Variants in NAP1L4 observed in about 807,000 individuals in gnomAD.
NAP1L4 encodes the protein nucleosome assembly protein 1 like 4.
A neutral mutation model predicts 58.2 loss-of-function variants in NAP1L4; 15 were observed. The ratio of observed to expected loss-of-function variants is 0.26; its 90% confidence interval spans 0.17 to 0.40. The LOEUF is 0.40. Among genes scored for constraint, NAP1L4 ranks in the 10% least tolerant of loss-of-function variants. The pLI is 1.00. For missense variants in NAP1L4, 384 were observed against 451.1 expected (o/e 0.85, Z 1.35); for synonymous variants, 171 against 155.6 (o/e 1.10, Z -0.74).
rs371308395 is a variant in NAP1L4 at position 2,951,347 on chromosome 11, G to A, written c.1066-32C>T. On this transcript the variant is annotated intron_variant, in intron 13 of 15. Transcript: ENST00000380542. The surrounding 1 kb of genome is among the most constrained non-coding windows in gnomAD (Gnocchi z 4.0). ...TTAAAAAGTGAGAATTAGCTGGAAT[G>A]ACAAGATTTAAACTCTTGTGGCATT... The A allele has an allele frequency of 5.0e-6, 8 of 1,592,914 alleles. No homozygotes were observed. The African/African-American group carries it at 1.1e-4, about 21-fold the overall frequency.
chr11:2,969,892 C>A lies in NAP1L4; in HGVS notation c.445G>T (p.Ala149Ser), dbSNP rs1847534068. The A allele has an allele frequency of 6.2e-7, 1 of 1,613,742 alleles. No homozygotes were observed. Among genetic ancestry groups the A allele is most frequent in the South Asian group, 1.1e-5 (1 of 90,986 alleles). The change falls in exon 7 of 16, where the codon GCA becomes TCA. Residue 149 changes from alanine (A) to serine (S), a missense_variant. Physicochemically the swap from Ala to Ser is moderately conservative, Grantham distance 99. Coordinates refer to ENST00000380542, the MANE Select transcript of NAP1L4 (RefSeq NM_005969.4). ...SKVVVTEKAA[A>S]TAEEPDPKGI... Reference sequence around the variant, plus strand: ...TTGGGATCTGGCTCTTCAGCCGTTGCCGCTGCTTTTTCTGTGACGACTACT... The same window carrying A: ...TTGGGATCTGGCTCTTCAGCCGTTGACGCTGCTTTTTCTGTGACGACTACT...
chr11:2,949,293 T>G lies in NAP1L4; in HGVS notation c.1123-29A>C. The G allele has an allele frequency of 6.4e-7, 1 of 1,562,496 alleles. No homozygotes were observed. Among genetic ancestry groups the G allele is most frequent in the Admixed American group, 1.7e-5 (1 of 59,868 alleles). ...AATGGGGAAAAAAATTGAAAGGAAC[T>G]GTCAGCATGAAAGAAAATGAAATGC... On this transcript the variant is annotated intron_variant, in intron 14 of 15. Coordinates refer to ENST00000380542, the MANE Select transcript of NAP1L4 (RefSeq NM_005969.4). The surrounding 1 kb of genome is among the most constrained non-coding windows in gnomAD (Gnocchi z 4.0).
intron 7 of NAP1L4, among the ~76,000 whole-genome samples, chr11:2,966,518 C>A (rs951398938): frequency 1.3e-5 from 2 of 152,162 alleles, no homozygotes; most frequent in African/African-American, 4.8e-5. Context: ...TGAGTGTGAA[C>A]GTGAGGTATT....
rs1027804413 is a variant in NAP1L4 at position 2,954,210 on chromosome 11, T to C, written c.1035+317A>G. The C allele has an allele frequency of 1.2e-5, 5 of 405,338 alleles. No homozygotes were observed. The highest frequency in any genetic ancestry group is 3.9e-5 in the Admixed American group (1 of 25,540). The allele number at this position is 405,338 out of a possible 1,614,324, so 25.1% of individuals were successfully genotyped here. A position where few individuals can be genotyped will look rare whatever the true frequency, so the allele number is the denominator to read the frequency against. Reference sequence around the variant, plus strand: ...TGGCCAGACCTCCATAAAAGAGATATTCCCTGTGTTCACAAGTTCCCTGAA... The same window carrying C: ...TGGCCAGACCTCCATAAAAGAGATACTCCCTGTGTTCACAAGTTCCCTGAA... On this transcript the variant is annotated intron_variant, in intron 12 of 15. Coordinates refer to ENST00000380542, the MANE Select transcript of NAP1L4 (RefSeq NM_005969.4). The surrounding 1 kb of genome is among the most constrained non-coding windows in gnomAD (Gnocchi z 4.8).
chr11:2,952,573 T>A (rs767827643), intron 12 of NAP1L4: 1 of 152,368 alleles, frequency 6.6e-6, no homozygotes, highest in African/African-American at 2.4e-5. Context: ...AGAAGGGCCC[T>A]ACTGTGCTGG....
chr11:2,957,444 C>CA (rs927108124), intron 10 of NAP1L4, among the ~76,000 whole-genome samples: 26 of 152,134 alleles, frequency 1.7e-4, no homozygotes, highest in African/African-American at 6.0e-4. Context: ...GAGACAAAAT[C>CA]AAAAAATCAA....
At position 2,948,435 on chromosome 11, in the gene NAP1L4, C is replaced by T. The variant is rs190063220; in HGVS notation, c.*32+792G>A. Among the ~76,000 whole-genome samples, 1 of 152,326 alleles carries T rather than the reference C, an allele frequency of 6.6e-6. No homozygotes were observed. Among genetic ancestry groups the T allele is most frequent in the East Asian group, 1.9e-4 (1 of 5,182 alleles). ...TCCTCATGGCACCTCTTGTCCCCAC[C>T]TCTCTGCTTTCTCCCACTACATCCC... is the stretch of plus-strand genomic sequence containing the variant. On this transcript the variant is annotated intron_variant, in intron 15 of 15. Transcript: ENST00000380542. This position sits in a 1 kb window ranked among gnomAD's most constrained non-coding sequence, Gnocchi z 5.1.
At chr11:2,970,615 C>T (rs1194614251) in intron 6 of NAP1L4, among the ~76,000 whole-genome samples, 1 of 151,996 alleles carries the variant, frequency 6.6e-6, no homozygotes, top group African/African-American at 2.4e-5. Flanking sequence ...GGAGGTGAAA[C>T]GCAACACCAG....
At chr11:2,952,937 G>T (rs1485858486) in intron 12 of NAP1L4, among the ~76,000 whole-genome samples, 1 of 138,792 alleles carries the variant, frequency 7.2e-6, no homozygotes, top group Non-Finnish European at 1.5e-5. Context: ...GTACGGTCTA[G>T]AAAGTAACAT....
In NAP1L4 at chr11:2,969,841, T is replaced by C. The variant is rs765130655; in HGVS notation, c.496A>G (p.Ile166Val). Residue 166 changes from isoleucine to valine, a missense_variant, in exon 7 of 16, where the codon ATC becomes GTC. Around this residue, in one of 3 missense-constraint regions of NAP1L4, gnomAD observed 296 missense variants for 360.8 expected, o/e 0.82. Coordinates refer to ENST00000380542, the MANE Select transcript of NAP1L4 (RefSeq NM_005969.4). ...CTCAGCATGTCCACATTTCTGAAGA[T>C]GGTAAACCAGAACTCTGGAATTCCT... ...PKGIPEFWFTIFRNVDMLSEL... is the reference protein window; with the variant it reads ...PKGIPEFWFTVFRNVDMLSEL... 5.0e-6 allele frequency: 8 copies of C among 1,613,874 alleles called. No individual in the cohort carries two copies. Among genetic ancestry groups the C allele is most frequent in the Non-Finnish European group, 6.8e-6 (8 of 1,179,842 alleles).
At chr11:2,947,707 T>C (rs1296512670) in intron 15 of NAP1L4, among the ~76,000 whole-genome samples, 1 of 152,088 alleles carries the variant, frequency 6.6e-6, no homozygotes, top group Non-Finnish European at 1.5e-5. Context: ...CATTAATCAA[T>C]GCTAAGATTA....
In NAP1L4 at chr11:2,954,288, A is replaced by G; in HGVS notation, c.1035+239T>C. On this transcript the variant is annotated intron_variant, in intron 12 of 15. Coordinates refer to ENST00000380542, the MANE Select transcript of NAP1L4 (RefSeq NM_005969.4). This position sits in a 1 kb window ranked among gnomAD's most constrained non-coding sequence, Gnocchi z 4.8. ...GTCACTAGGCAGGGCTCACATAGGA[A>G]ACTGGCAATCACCTCTGAAACTGCT... 3.3e-6 allele frequency: 2 copies of G among 599,464 alleles called. No individual in the cohort carries two copies. Among genetic ancestry groups the G allele is most frequent in the East Asian group, 2.9e-5 (1 of 34,356 alleles). The allele number at this position is 599,464 out of a possible 1,614,324, so 37.1% of individuals were successfully genotyped here.
At chr11:2,972,069 C>CA (rs769741018) in intron 5 of NAP1L4, 33 bp downstream of exon 5, 57 of 1,501,208 alleles carry the variant, frequency 3.8e-5, no homozygotes, top group Non-Finnish European at 4.5e-5. Context: ...AAGCTGAAAA[C>CA]TATCTGTATA....
intron 15 of NAP1L4, among the ~76,000 whole-genome samples, chr11:2,947,313 C>G (rs899386547): frequency 4.6e-5 from 7 of 152,188 alleles, no homozygotes; most frequent in Non-Finnish European, 1.0e-4. Flanking sequence ...TAAATAAAAC[C>G]AATATCCTGG....
At chr11:2,945,968 A>C (rs1845921127) in intron 15 of NAP1L4, among the ~76,000 whole-genome samples, 1 of 152,120 alleles carries the variant, frequency 6.6e-6, no homozygotes, top group Non-Finnish European at 1.5e-5. Flanking sequence ...AAGCAGCTGG[A>C]ACCCCTGCCC....
intron 1 of NAP1L4, 86 bp from the exon 2 acceptor site, chr11:2,979,323 G>T: frequency 1.7e-6 from 2 of 1,145,000 alleles, no homozygotes; most frequent in Non-Finnish European, 1.3e-6. Flanking sequence ...TTATCTGTGG[G>T]ATGGAGTCCA....
intron 12 of NAP1L4, among the ~76,000 whole-genome samples, chr11:2,953,367 A>G (rs988017394): frequency 6.6e-6 from 1 of 152,250 alleles, no homozygotes; most frequent in Non-Finnish European, 1.5e-5. Context: ...ACTAGCCCTT[A>G]GCTCACTATT....
intron 1 of NAP1L4, among the ~76,000 whole-genome samples, chr11:2,979,799 T>G (rs866986461): frequency 6.6e-6 from 1 of 152,018 alleles, no homozygotes; most frequent in Non-Finnish European, 1.5e-5. Flanking sequence ...AAAATAAAAT[T>G]ATCTTATTGG....
In NAP1L4 at chr11:2,971,819, A is replaced by T. The variant is rs1847655252; in HGVS notation, c.315+283T>A. 6.6e-6 allele frequency among the ~76,000 whole-genome samples: 1 copy of T among 151,310 alleles called. No homozygotes were observed. Among genetic ancestry groups the T allele is most frequent in the Non-Finnish European group, 1.5e-5 (1 of 67,750 alleles). On this transcript the variant is annotated intron_variant, in intron 5 of 15. Coordinates refer to ENST00000380542, the MANE Select transcript of NAP1L4 (RefSeq NM_005969.4). This position sits in a 1 kb window ranked among gnomAD's most constrained non-coding sequence, Gnocchi z 4.2. Reference sequence around the variant, plus strand: ...GTGCAGAAGCCATCACACTTTGGGCACCAATACAGCCACACTGTGTTCCTC... The same window carrying T: ...GTGCAGAAGCCATCACACTTTGGGCTCCAATACAGCCACACTGTGTTCCTC...
Sources: gnomAD v4.1 joint callset for allele counts (sites outside exome capture counted in the v4.1 genomes callset) on GRCh38, gnomAD v4.1.1 for gene constraint, gnomAD v4.1.1 regional missense constraint, Gnocchi (gnomAD v3.1) non-coding constraint, MANE v1.5 for transcripts, NCBI Gene and HGNC (gene_info 2026-07-23, HGNC 2026-07-21) for gene names.